ADGRF5: variants seen among roughly 807,000 people sequenced by gnomAD.
ADGRF5 encodes the protein adhesion G protein-coupled receptor F5, also known as G-protein coupled receptor 116.
A neutral mutation model predicts 132.3 loss-of-function variants in ADGRF5; 75 were observed. The ratio of observed to expected loss-of-function variants is 0.57; its 90% CI spans 0.47 to 0.69. The LOEUF (loss-of-function observed/expected upper bound fraction) is 0.69, where lower values mean the gene tolerates loss of function less well. Ranked by LOEUF, ADGRF5 falls within the 30% of genes least tolerant of loss-of-function variation. ADGRF5 has a pLI of 0.00. For missense variants in ADGRF5, 1,516 were observed against 1,630.6 expected, an observed-to-expected ratio of 0.93 and a Z score of 1.21; for synonymous variants, 629 against 597.6, an observed-to-expected ratio of 1.05 and a Z score of -0.77.
chr6:46,895,396 G>C (rs1340665030), intron 3 of ADGRF5, among the ~76,000 whole-genome samples: 1 of 151,518 alleles, frequency 6.6e-6, no homozygotes, highest in African/African-American at 2.4e-5. Context: ...AGCACTCAGG[G>C]CTACATGTCA....
Position 46,856,925 on chromosome 6 carries a change from T to C in ADGRF5, c.3775-17A>G, listed in dbSNP as rs1463980986. The C allele has an allele frequency of 6.3e-7, 1 of 1,584,922 alleles. No individual in the cohort carries two copies. The highest frequency in any genetic ancestry group is 1.3e-5 in the African/African-American group (1 of 74,262). The stretch of plus-strand genomic sequence containing the variant: ...GAATAATCCCTGAGAAAAAAAAGAT[T>C]GAAAAGAAGTGCATTTTAATTATAG... On this transcript the variant is annotated splice_polypyrimidine_tract_variant and intron_variant, in intron 17 of 20. Transcript: ENST00000283296.
Position 46,856,725 on chromosome 6 carries a change from T to G in ADGRF5, c.3869A>C (p.His1290Pro). ...KFSLSRWSSQ[H>P]SKSTSLGSST... ...TGCAGAGAAAAAGTTTACCTTTGAG[T>G]GCTGTGAAGACCATCTCGACAATGA... Residue 1290 changes from histidine (H) to proline (P), a missense_variant, in exon 19 of 21, where the codon CAC becomes CCC. By Grantham distance (77) the His-to-Pro change is moderately conservative. This residue lies in a region of ADGRF5 where 571 missense variants were observed against 701.2 expected (regional missense o/e 0.81). Transcript: ENST00000283296. The G allele has an allele frequency of 1.4e-6, 2 of 1,427,942 alleles. No individual in the cohort carries two copies. The highest frequency in any genetic ancestry group is 2.0e-6 in the Non-Finnish European group (2 of 1,010,568). 88.5% of individuals were successfully genotyped at this position (1,427,942 alleles called of 1,614,324 possible). A position where few individuals can be genotyped will look rare whatever the true frequency, so the allele number is the denominator to read the frequency against.
At chr6:46,889,630 C>T (rs1253661639) in intron 3 of ADGRF5, among the ~76,000 whole-genome samples, 2 of 143,132 alleles carry the variant, frequency 1.4e-5, no homozygotes, top group Admixed American at 7.2e-5. Flanking sequence ...TGTTGAGGAA[C>T]AGATCCACCT....
Position 46,879,917 on chromosome 6 carries a change from T to C in ADGRF5, c.937A>G (p.Ile313Val). Residue 313 changes from isoleucine (I) to valine (V), a missense_variant, in exon 9 of 21, where the codon ATC (isoleucine) becomes GTC (valine). Physicochemically the swap from Ile to Val is conservative, Grantham distance 29. This residue lies in a region of ADGRF5 where 945 missense variants were observed against 929.4 expected (regional missense o/e 1.02). Coordinates refer to ENST00000283296, the MANE Select transcript of ADGRF5 (RefSeq NM_001098518.2). ...SWRYEEQQLE[I>V]QNSSRFSIYT... ...ATCGAGAATCTGCTGCTGTTCTGGA[T>C]TTCCAACTGCTGTTCTTCATAGCGC... 6.2e-7 allele frequency: 1 copy of C among 1,614,130 alleles called. No homozygotes were observed. Among genetic ancestry groups the C allele is most frequent in the South Asian group, 1.1e-5 (1 of 91,076 alleles).
In ADGRF5 at chr6:46,858,920, T is replaced by C; in HGVS notation, c.2983A>G (p.Ile995Val). The change falls in exon 17 of 21, where the codon ATC becomes GTC. Residue 995 changes from isoleucine (I) to valine (V), a missense_variant. By Grantham distance (29) the Ile-to-Val change is conservative. Around this residue, in one of 2 missense-constraint regions of ADGRF5, gnomAD observed 571 missense variants for 701.2 expected, o/e 0.81. Coordinates refer to ENST00000283296, the MANE Select transcript of ADGRF5 (RefSeq NM_001098518.2). ...TCTGGGGAGTCAGGGGACATGAGGATGGAGAATGATGTTAGGTGGTCACAG... is the reference window on the plus strand; with the variant it reads ...TCTGGGGAGTCAGGGGACATGAGGACGGAGAATGATGTTAGGTGGTCACAG... ...CICDHLTSFS[I>V]LMSPDSPDPS... is the part of the protein sequence containing the mutation. The C allele has an allele frequency of 6.2e-7, 1 of 1,613,950 alleles. No individual in the cohort carries two copies. Among genetic ancestry groups the C allele is most frequent in the African/African-American group, 1.3e-5 (1 of 75,002 alleles).
chr6:46,944,854 G>A (rs183454676), intron 1 of ADGRF5, among the ~76,000 whole-genome samples: 11 of 152,216 alleles, frequency 7.2e-5, no homozygotes, highest in African/African-American at 2.4e-4. Flanking sequence ...TGTACCCTAA[G>A]ATGCATCCCT....
At chr6:46,890,492 C>A (rs1195117200) in intron 3 of ADGRF5, among the ~76,000 whole-genome samples, 3 of 151,442 alleles carry the variant, frequency 2.0e-5, no homozygotes, top group Admixed American at 2.0e-4. Flanking sequence ...CCGAGGCGGG[C>A]AGATCACTTG....
intron 3 of ADGRF5, among the ~76,000 whole-genome samples, chr6:46,896,708 G>A (rs1239972875): frequency 6.6e-6 from 1 of 151,314 alleles, no homozygotes; most frequent in African/African-American, 2.4e-5. Flanking sequence ...ACATATATAT[G>A]TGATACATAT....
chr6:46,928,430 A>G (rs1777365126), intron 1 of ADGRF5, among the ~76,000 whole-genome samples: 1 of 152,084 alleles, frequency 6.6e-6, no homozygotes. Flanking sequence ...AAAAATAACC[A>G]AGTTGTGACT....
intron 18 of ADGRF5, 34 bp from the exon 19 acceptor site, chr6:46,856,811 A>C: frequency 6.2e-7 from 1 of 1,600,902 alleles, no homozygotes; most frequent in Non-Finnish European, 8.5e-7. Flanking sequence ...CGTAACTTCA[A>C]CATGCCACAA....
intron 1 of ADGRF5, among the ~76,000 whole-genome samples, chr6:46,917,018 C>A (rs895238834): frequency 3.3e-5 from 5 of 152,204 alleles, no homozygotes; most frequent in Non-Finnish European, 5.9e-5. Context: ...CTTGCTTATT[C>A]ATTTGGTAAC....
In ADGRF5 at chr6:46,888,508, G is replaced by T; in HGVS notation, c.158-3C>A. On this transcript the variant is annotated splice_polypyrimidine_tract_variant and splice_region_variant and intron_variant, in intron 3 of 20. Transcript: ENST00000283296. ...AGCCGTAGGACTTTTTGTGGCAACTGCAATGAAAGCACATGAAGGCTGAGA... is the reference window on the plus strand; with the variant it reads ...AGCCGTAGGACTTTTTGTGGCAACTTCAATGAAAGCACATGAAGGCTGAGA... The T allele has an allele frequency of 1.9e-6, 3 of 1,606,600 alleles. No individual in the cohort carries two copies. Among genetic ancestry groups the T allele is most frequent in the Non-Finnish European group, 2.6e-6 (3 of 1,173,210 alleles).
rs1315624351 is a variant in ADGRF5, at chr6:46,941,467, AAAGAAAAGAAAAGAAAAG to A, written c.-25+13249_-25+13266del. On this transcript the variant is annotated intron_variant, in intron 1 of 20. Coordinates refer to the ADGRF5 transcript ENST00000265417. The stretch of plus-strand genomic sequence containing the variant: ...AAAAGAAAAGAAAAGAAAAGAAAAG[AAAGAAAAGAAAAGAAAAG>A]AAAGAAAAGAAAGGCAGGCAGGCAA... 1.7e-3 allele frequency among the ~76,000 whole-genome samples: 42 copies of A among 24,444 alleles called. 2 individuals are homozygous for A. The highest frequency in any genetic ancestry group is 3.4e-4 in the Non-Finnish European group (3 of 8,870). The allele number at this position is 24,444 out of a possible 152,430, so 16.0% of individuals were successfully genotyped here.
chr6:46,872,041 C>G, intron 10 of ADGRF5, 28 bp from the exon 11 acceptor site: 1 of 1,542,232 alleles, frequency 6.5e-7, no homozygotes, highest in East Asian at 2.3e-5. Flanking sequence ...TTGTTGCCAT[C>G]CCAGCTGGCT....
chr6:46,948,707 G>A (rs185907755), intron 1 of ADGRF5, among the ~76,000 whole-genome samples: 1 of 152,252 alleles, frequency 6.6e-6, no homozygotes, highest in East Asian at 1.9e-4. Flanking sequence ...GAAAGCTGAC[G>A]CTTTACTTTT....
rs1409025645 is a variant in ADGRF5 at position 46,953,275 on chromosome 6, T to C, written c.-25+1459A>G. Reference sequence around the variant, plus strand: ...CCCAACTGATGCCTGATGCAGCTAGTCCTTGGACTACACTTTAGGTAGCAA... The same window carrying C: ...CCCAACTGATGCCTGATGCAGCTAGCCCTTGGACTACACTTTAGGTAGCAA... On this transcript the variant is annotated intron_variant, in intron 1 of 20. Coordinates refer to the ADGRF5 transcript ENST00000265417. 2.6e-5 allele frequency among the ~76,000 whole-genome samples: 4 copies of C among 152,260 alleles called. No homozygotes were observed. The East Asian group carries it at 7.7e-4, about 29-fold the overall frequency.
At chr6:46,916,221 T>C (rs966770683) in intron 1 of ADGRF5, among the ~76,000 whole-genome samples, 4 of 152,210 alleles carry the variant, frequency 2.6e-5, no homozygotes, top group South Asian at 2.1e-4. Context: ...GATATCTCTT[T>C]CCTCTGCATG....
intron 4 of ADGRF5, among the ~76,000 whole-genome samples, chr6:46,887,577 G>A (rs1464025437): frequency 6.6e-6 from 1 of 152,176 alleles, no homozygotes; most frequent in Admixed American, 6.6e-5. Context: ...TGCATGTACC[G>A]ACATTGGGAT....
At position 46,858,354 on chromosome 6, in the gene ADGRF5, C is replaced by G; in HGVS notation, c.3549G>C (p.Val1183=). The G allele has an allele frequency of 1.2e-6, 2 of 1,613,970 alleles. No individual in the cohort carries two copies. The highest frequency in any genetic ancestry group is 1.1e-5 in the South Asian group (1 of 91,070). ...CAATAGTGATGGTTATGTTCACCAC[C>G]ACAATGATCAGTGCTGGGATGGCGA... is the stretch of plus-strand genomic sequence containing the variant. ...LAFAIPALII[V]VVNITITIVV... Residue 1183 remains valine (V), a synonymous_variant, in exon 17 of 21, where the codon GTG becomes GTC. Transcript: ENST00000283296.
Sources: allele counts gnomAD v4.1 joint callset (sites outside exome capture counted in the v4.1 genomes callset), GRCh38; gene constraint gnomAD v4.1.1; regional missense constraint gnomAD v4.1.1; transcripts MANE v1.5; gene names NCBI Gene and HGNC (gene_info 2026-07-23, HGNC 2026-07-21).